DNAH17: variants seen among roughly 807,000 people sequenced by gnomAD.
DNAH17 encodes dynein axonemal heavy chain 17, also known as axonemal beta dynein heavy chain 17.
In DNAH17, 376 loss-of-function variants were observed where a neutral mutation model predicts 485.6. The ratio of observed to expected loss-of-function variants is 0.77; its 90% CI spans 0.71 to 0.84. DNAH17 has a LOEUF of 0.84. DNAH17 is among the 40% of genes least tolerant of loss of function. DNAH17 has a pLI of 0.00. For missense variants in DNAH17, 6,370 were observed against 5,839.3 expected, an observed-to-expected ratio of 1.09 and a Z score of -2.96; for synonymous variants, 3,031 against 2,405.9, an observed-to-expected ratio of 1.26 and a Z score of -7.60.
intron 75 of DNAH17, among the ~76,000 whole-genome samples, chr17:78,433,151 C>T (rs913942076): frequency 3.9e-5 from 6 of 152,314 alleles, no homozygotes; most frequent in South Asian, 2.1e-4. Flanking sequence ...TAGGGGTGTG[C>T]ACCGCCCTCT....
rs138459234 is a variant in DNAH17 at position 78,564,849 on chromosome 17, A to AG, written c.1569+1764dup. On this transcript the variant is annotated intron_variant, in intron 11 of 80. Coordinates refer to ENST00000389840, the MANE Select transcript of DNAH17 (RefSeq NM_173628.4). ...TGAATATGAGGGAAGGCCATTGCTG[A>AG]GAAGGGACCAGCCTGGGGGCATTTG... Among the ~76,000 whole-genome samples the AG allele has an allele frequency of 7.8e-3, 1,193 of 152,268 alleles. 7 individuals are homozygous for AG. The highest frequency in any genetic ancestry group is 0.012 in the Non-Finnish European group (840 of 68,012).
In DNAH17 at chr17:78,427,135, T is replaced by C. The variant is rs776381202; in HGVS notation, c.12589-27A>G. On this transcript the variant is annotated intron_variant, in intron 77 of 80. Transcript: ENST00000389840. ...TGGAAGCCAGTCCCCGGACAGCCCC[T>C]GTCACTGCAAAGAGCCCACCCCACC... The C allele has an allele frequency of 7.7e-5, 120 of 1,553,918 alleles. 1 individual carries two copies. The Admixed American group carries it at 2.3e-3, about 30-fold the overall frequency.
chr17:78,426,343 G>GC, intron 79 of DNAH17, 114 bp downstream of exon 79: 1 of 1,298,842 alleles, frequency 7.7e-7, no homozygotes, highest in African/African-American at 1.5e-5. Flanking sequence ...CAGAGGACAG[G>GC]CCCCCAGGAG....
chr17:78,502,811 G>T (rs1027676030), intron 32 of DNAH17, 75 bp downstream of exon 32: 2 of 1,591,584 alleles, frequency 1.3e-6, no homozygotes, highest in Non-Finnish European at 1.7e-6. Context: ...AGTTAACAGC[G>T]GAGCCCATGA....
intron 19 of DNAH17, among the ~76,000 whole-genome samples, chr17:78,535,552 A>G (rs1312584666): frequency 6.6e-6 from 1 of 152,206 alleles, no homozygotes; most frequent in Non-Finnish European, 1.5e-5. Flanking sequence ...GAGCACACGC[A>G]CATCCCTCCC....
intron 63 of DNAH17, among the ~76,000 whole-genome samples, chr17:78,455,098 C>T (rs767375799): frequency 4.6e-5 from 7 of 152,248 alleles, no homozygotes; most frequent in South Asian, 2.1e-4. Flanking sequence ...TTAGTAGAGA[C>T]GAGGTTTCAC....
intron 12 of DNAH17, 42 bp downstream of exon 12, chr17:78,561,673 A>G (rs2092157999): frequency 1.3e-6 from 2 of 1,562,328 alleles, no homozygotes; most frequent in Non-Finnish European, 1.7e-6. Flanking sequence ...CTCCCGCACC[A>G]TGGAGGCGGG....
intron 14 of DNAH17, among the ~76,000 whole-genome samples, chr17:78,554,200 G>T (rs752885684): frequency 6.6e-6 from 1 of 151,988 alleles, no homozygotes; most frequent in African/African-American, 2.4e-5. Context: ...CTCACTTTGG[G>T]AGGCCGAGGC....
chr17:78,450,075 A>T, intron 68 of DNAH17, 179 bp downstream of exon 68: 1 of 665,826 alleles, frequency 1.5e-6, no homozygotes, highest in Non-Finnish European at 2.6e-6. Context: ...GAATGGGTGT[A>T]GGACTGATGG....
chr17:78,474,541 C>T (rs2088918610), intron 54 of DNAH17, among the ~76,000 whole-genome samples: 1 of 152,238 alleles, frequency 6.6e-6, no homozygotes, highest in Non-Finnish European at 1.5e-5. Flanking sequence ...GCTCTGAATT[C>T]TGTAGTCTGG....
At position 78,468,851 on chromosome 17, in the gene DNAH17, G is replaced by A. The variant is rs369953384; in HGVS notation, c.8544C>T (p.Ala2848=). 174 of 1,613,874 alleles carry A rather than the reference G, an allele frequency of 1.1e-4. 1 individual carries two copies. The African/African-American group carries it at 1.3e-3, about 12-fold the overall frequency. ...GGAACACCGAGGGAACGTTCTTCAC[G>A]GCAGCCTTTATGTACTGAGCAGCGA... The part of the protein sequence containing the change: ...IDLAAQYIKA[A]VKNVPSVFLM... The change falls in exon 55 of 81, where the codon GCC becomes GCT. Residue 2848 remains alanine, a synonymous_variant. Transcript: ENST00000389840.
chr17:78,437,226 C>A (rs779013992), intron 74 of DNAH17, among the ~76,000 whole-genome samples: 11 of 152,200 alleles, frequency 7.2e-5, no homozygotes, highest in Admixed American at 4.6e-4. Context: ...TTGCCCATAG[C>A]CTCCAGCAGT....
intron 69 of DNAH17, 109 bp downstream of exon 69, chr17:78,449,305 C>T: frequency 2.5e-6 from 3 of 1,184,964 alleles, no homozygotes; most frequent in Non-Finnish European, 3.6e-6. Context: ...GGTTTGAAAT[C>T]ACCAGGTTTG....
At chr17:78,487,933 A>G (rs2089683640) in intron 44 of DNAH17, among the ~76,000 whole-genome samples, 1 of 152,148 alleles carries the variant, frequency 6.6e-6, no homozygotes, top group South Asian at 2.1e-4. Flanking sequence ...AGCACCCTGT[A>G]TTATCCAGCG....
Position 78,567,031 on chromosome 17 carries a change from A to T in DNAH17, c.1420T>A (p.Cys474Ser), listed in dbSNP as rs143337442. 170 of 1,613,530 alleles carry T rather than the reference A, an allele frequency of 1.1e-4. No individual in the cohort carries two copies. Among genetic ancestry groups the T allele is most frequent in the Admixed American group, 1.5e-4 (9 of 59,892 alleles). ...VFELVKVFAD[C>S]KYDPLDPGDS... ...CCAGGGTCCAAGGGATCATATTTGC[A>T]GTCGGCAAAAACCTTCACCAGCTCA... The change falls in exon 10 of 81, where the codon TGC becomes AGC. Residue 474 changes from cysteine (C) to serine (S), a missense_variant. Transcript: ENST00000389840.
In DNAH17 at chr17:78,473,976, A is replaced by G. The variant is rs2088894012; in HGVS notation, c.8511+1302T>C. 2.6e-5 allele frequency among the ~76,000 whole-genome samples: 4 copies of G among 152,170 alleles called. No individual in the cohort carries two copies. In the South Asian group the frequency reaches 8.3e-4, roughly 32 times the overall value. Reference sequence around the variant, plus strand: ...GGCTGTGTTCAGGAGTGCCCATCTGAGGAGTTCAAAAAAGAGCAGGCCGGC... The same window carrying G: ...GGCTGTGTTCAGGAGTGCCCATCTGGGGAGTTCAAAAAAGAGCAGGCCGGC... On this transcript the variant is annotated intron_variant, in intron 54 of 80. Transcript: ENST00000389840.
intron 11 of DNAH17, among the ~76,000 whole-genome samples, chr17:78,563,178 T>A (rs2092194499): frequency 1.3e-5 from 2 of 152,236 alleles, no homozygotes; most frequent in African/African-American, 4.8e-5. Flanking sequence ...TCAAAATTGT[T>A]CAAATCTTCC....
At chr17:78,503,326 C>T (rs2090368214) in intron 31 of DNAH17, among the ~76,000 whole-genome samples, 1 of 145,462 alleles carries the variant, frequency 6.9e-6, no homozygotes, top group Non-Finnish European at 1.5e-5. Context: ...ACTACAGGCG[C>T]CCGCCCCCAC....
At chr17:78,547,500 T>C (rs547272382) in intron 16 of DNAH17, among the ~76,000 whole-genome samples, 34 of 152,340 alleles carry the variant, frequency 2.2e-4, no homozygotes, top group African/African-American at 7.7e-4. Flanking sequence ...TATGTCTACA[T>C]GTGTCATCTG....
Sources: allele counts gnomAD v4.1 joint callset (sites outside exome capture counted in the v4.1 genomes callset), GRCh38; gene constraint gnomAD v4.1.1; transcripts MANE v1.5; gene names NCBI Gene and HGNC (gene_info 2026-07-23, HGNC 2026-07-21).